EYA4: variants seen among roughly 807,000 people sequenced by gnomAD.
The protein encoded by EYA4 is protein phosphatase EYA4.
A neutral mutation model predicts 87.9 loss-of-function variants in EYA4; 31 were observed. That is an observed-to-expected ratio of 0.35 (90% confidence interval 0.27 to 0.48). The LOEUF is 0.48. Ranked by LOEUF, EYA4 falls within the 20% of genes least tolerant of loss-of-function variation. EYA4 has a pLI of 0.99. For missense variants in EYA4, 678 were observed against 761.4 expected (o/e 0.89, Z 1.29); for synonymous variants, 263 against 270.6 (o/e 0.97, Z 0.28).
At chr6:133,248,435 C>T (rs1290347367) in intron 1 of EYA4, 2 of 152,148 alleles carry the variant, frequency 1.3e-5, no homozygotes, top group Non-Finnish European at 2.9e-5. Flanking sequence ...ACCGGGAGGG[C>T]TCATTATGCA....
intron 2 of EYA4, among the ~76,000 whole-genome samples, chr6:133,371,432 A>G (rs1785257242): frequency 1.3e-5 from 2 of 152,144 alleles, no homozygotes; most frequent in African/African-American, 4.8e-5. Context: ...ATGTTACACT[A>G]CCTTATTTTG....
intron 3 of EYA4, among the ~76,000 whole-genome samples, chr6:133,410,817 C>T (rs1344763710): frequency 6.6e-6 from 1 of 151,996 alleles, no homozygotes; most frequent in African/African-American, 2.4e-5. Context: ...GGTGTTGATT[C>T]ATCCTTGGCA....
At chr6:133,328,521 C>G (rs1016652531) in intron 2 of EYA4, among the ~76,000 whole-genome samples, 1 of 152,070 alleles carries the variant, frequency 6.6e-6, no homozygotes, top group Non-Finnish European at 1.5e-5. Flanking sequence ...GAGAAAAATA[C>G]TTGGTTTAAA....
chr6:133,283,392 A>G (rs1208108012), intron 2 of EYA4, among the ~76,000 whole-genome samples: 1 of 152,216 alleles, frequency 6.6e-6, no homozygotes, highest in Non-Finnish European at 1.5e-5. Context: ...AATAGAAAAC[A>G]TTAATAAATA....
In EYA4 at chr6:133,529,994, G is replaced by A; in HGVS notation, c.*1189G>A. 1 of 985,360 alleles carries A rather than the reference G, an allele frequency of 1.0e-6. No individual in the cohort carries two copies. Among genetic ancestry groups the A allele is most frequent in the Non-Finnish European group, 1.2e-6 (1 of 829,908 alleles). 61.0% of individuals were successfully genotyped at this position (985,360 alleles called of 1,614,324 possible). On this transcript the variant is annotated 3_prime_UTR_variant, in exon 20 of 20. Coordinates refer to ENST00000355286, the MANE Select transcript of EYA4 (RefSeq NM_004100.5). ...ATAAAATTCACATTGAGTGCACAGG[G>A]CTTAAAATAAAGCTAAGTATGTTTA...
chr6:133,476,047 A>G (rs548362429), intron 11 of EYA4, among the ~76,000 whole-genome samples: 49 of 152,226 alleles, frequency 3.2e-4, no homozygotes, highest in African/African-American at 1.2e-3. Context: ...AAAAGTATAT[A>G]TATTGGTGCA....
intron 1 of EYA4, among the ~76,000 whole-genome samples, chr6:133,254,163 A>T (rs1775152005): frequency 6.6e-6 from 1 of 152,200 alleles, no homozygotes; most frequent in South Asian, 2.1e-4. Context: ...CAATAAACTG[A>T]CATTTAAAAG....
chr6:133,529,784 T>C lies in EYA4; in HGVS notation c.*979T>C, dbSNP rs554178779. The C allele has an allele frequency of 1.7e-4, 164 of 985,070 alleles. 2 individuals are homozygous for C. Among genetic ancestry groups the C allele is most frequent in the Non-Finnish European group, 1.5e-4 (125 of 829,602 alleles). 61.0% of individuals were successfully genotyped at this position (985,070 alleles called of 1,614,324 possible). A position where few individuals can be genotyped will look rare whatever the true frequency, so the allele number is the denominator to read the frequency against. ...ACCTTTACTTAGAAAGTGAAATGTA[T>C]GTAGAAGTCTCAAGTACCCCTTCTA... On this transcript the variant is annotated 3_prime_UTR_variant, in exon 20 of 20. Transcript: ENST00000355286.
intron 2 of EYA4, among the ~76,000 whole-genome samples, chr6:133,373,938 T>A (rs370433033): frequency 6.6e-6 from 1 of 152,050 alleles, no homozygotes; most frequent in Non-Finnish European, 1.5e-5. Flanking sequence ...TGGCATTTTT[T>A]AAAAAGTAAT....
chr6:133,446,974 G>A (rs1792909264), intron 4 of EYA4, among the ~76,000 whole-genome samples: 1 of 152,016 alleles, frequency 6.6e-6, no homozygotes. Context: ...AGATAGCATT[G>A]AGCAACATTT....
rs9493576 is a variant in EYA4, at chr6:133,273,099, A to G, written c.-65-1617A>G. Reference sequence around the variant, plus strand: ...GAACTAATAGGAGATATATATATGTATATATATATATATATATAAAGGGAA... The same window carrying G: ...GAACTAATAGGAGATATATATATGTGTATATATATATATATATAAAGGGAA... On this transcript the variant is annotated intron_variant, in intron 1 of 19. Transcript: ENST00000355286. Among the ~76,000 whole-genome samples, 112 of 79,978 alleles carry G rather than the reference A, an allele frequency of 1.4e-3. 3 individuals are homozygous for G. Among genetic ancestry groups the G allele is most frequent in the African/African-American group, 5.7e-3 (74 of 13,000 alleles). 52.5% of individuals were successfully genotyped at this position (79,978 alleles called of 152,430 possible). A position where few individuals can be genotyped will look rare whatever the true frequency, so the allele number is the denominator to read the frequency against.
chr6:133,484,723 C>T (rs1055991002), intron 13 of EYA4, among the ~76,000 whole-genome samples: 18 of 152,120 alleles, frequency 1.2e-4, no homozygotes, highest in Non-Finnish European at 2.4e-4. Flanking sequence ...TATTTTTGTG[C>T]AGCTAAGTTT....
chr6:133,502,958 G>C (rs1798264942), intron 13 of EYA4, among the ~76,000 whole-genome samples: 1 of 152,132 alleles, frequency 6.6e-6, no homozygotes, highest in African/African-American at 2.4e-5. Flanking sequence ...TTGCCAAAAT[G>C]CTTACTAAGT....
intron 2 of EYA4, among the ~76,000 whole-genome samples, chr6:133,371,553 G>A (rs1221633322): frequency 1.3e-5 from 2 of 152,142 alleles, no homozygotes; most frequent in Admixed American, 6.5e-5. Flanking sequence ...CTAACTTTTT[G>A]CAGGGGGAAG....
chr6:133,402,845 G>A (rs1288386075), intron 3 of EYA4, among the ~76,000 whole-genome samples: 1 of 152,168 alleles, frequency 6.6e-6, no homozygotes, highest in South Asian at 2.1e-4. Context: ...GAGGGTAACA[G>A]GGGACAAGAC....
chr6:133,304,798 A>C (rs1157555470), intron 2 of EYA4, among the ~76,000 whole-genome samples: 1 of 102,454 alleles, frequency 9.8e-6, no homozygotes, highest in Non-Finnish European at 2.0e-5. Context: ...TTATGAATGC[A>C]TACCATGTTC....
At chr6:133,418,643 A>G (rs1276318338) in intron 3 of EYA4, among the ~76,000 whole-genome samples, 2 of 152,212 alleles carry the variant, frequency 1.3e-5, no homozygotes, top group Non-Finnish European at 2.9e-5. Context: ...GATAAGTTGT[A>G]TGAAATCTGA....
chr6:133,370,312 C>T (rs546963712), intron 2 of EYA4, among the ~76,000 whole-genome samples: 93 of 152,232 alleles, frequency 6.1e-4, no homozygotes, highest in African/African-American at 2.1e-3. Context: ...TTGGTTGAAG[C>T]GTTATCATTA....
In EYA4 at chr6:133,354,829, T is replaced by C. The variant is rs145659499; in HGVS notation, c.34-27563T>C. 5.0e-3 allele frequency among the ~76,000 whole-genome samples: 762 copies of C among 152,344 alleles called. 4 individuals are homozygous for C. The highest frequency in any genetic ancestry group is 8.2e-3 in the Non-Finnish European group (558 of 68,030). On this transcript the variant is annotated intron_variant, in intron 2 of 19. Coordinates refer to ENST00000355286, the MANE Select transcript of EYA4 (RefSeq NM_004100.5). ...ATTTCTGTTTATGAAGGCATTCAGC[T>C]TCTGTTTAACCAGGTCCATTGAAAA... is the stretch of plus-strand genomic sequence containing the variant.
Sources: allele counts gnomAD v4.1 joint callset (sites outside exome capture counted in the v4.1 genomes callset), GRCh38; gene constraint gnomAD v4.1.1; transcripts MANE v1.5; gene names NCBI Gene and HGNC (gene_info 2026-07-23, HGNC 2026-07-21).